The following MTRR variants were observed in gnomAD, a reference collection of about 807,000 sequenced individuals.
The protein encoded by MTRR is methionine synthase reductase.
In MTRR, 63 loss-of-function variants were observed where a neutral mutation model predicts 79.2. The ratio of observed to expected loss-of-function variants is 0.80; its 90% CI spans 0.65 to 0.98. The LOEUF (loss-of-function observed/expected upper bound fraction) is 0.98, where lower values mean the gene tolerates loss of function less well. MTRR is among the 50% of genes least tolerant of loss of function. The pLI is 0.00. For synonymous variants in MTRR, 355 were observed against 313.3 expected (o/e 1.13, Z -1.41); for missense variants, 895 against 839.6 (o/e 1.07, Z -0.82).
chr5:7,885,637 C>A, intron 6 of MTRR, 64 bp from the exon 7 acceptor site: 1 of 1,496,390 alleles, frequency 6.7e-7, no homozygotes, highest in Non-Finnish European at 9.3e-7. Flanking sequence ...TTTTGTTACC[C>A]TACAGCTTAA....
intron 4 of MTRR, among the ~76,000 whole-genome samples, chr5:7,875,777 G>C (rs374069175): frequency 6.6e-6 from 1 of 152,256 alleles, no homozygotes; most frequent in African/African-American, 2.4e-5. Context: ...ACACTTCGCT[G>C]TTAGAGAACA....
chr5:7,869,397 C>T (rs1228656605), intron 1 of MTRR, 182 bp downstream of exon 1: 4 of 649,986 alleles, frequency 6.2e-6, no homozygotes, highest in Non-Finnish European at 1.0e-5. Context: ...TGGCCTTTGG[C>T]TTTGGTGTCC....
In MTRR at chr5:7,871,040, G is replaced by A. The variant is rs1219351169; in HGVS notation, c.129+117G>A. ...ACCACATAGTCTTTGTTTTTTAACA[G>A]AAATGTGTTTGTTCAATGGTATAGT... On this transcript the variant is annotated intron_variant, in intron 2 of 14. Transcript: ENST00000440940. The A allele has an allele frequency of 4.0e-6, 5 of 1,240,080 alleles. No individual in the cohort carries two copies. In the African/African-American group the frequency reaches 7.4e-5, roughly 18 times the overall value. The allele number at this position is 1,240,080 out of a possible 1,614,324, so 76.8% of individuals were successfully genotyped here.
In MTRR at chr5:7,859,451, T is replaced by A; in HGVS notation, n.392-2500T>A. ...AGTCAGTATTCATTCTTGCAACCAA[T>A]GAACAGTGTTTTGAGAAAACAGTTT... On this transcript the variant is annotated intron_variant and non_coding_transcript_variant, in intron 1 of 3. Transcript: ENST00000502509. The A allele has an allele frequency of 2.5e-6, 4 of 1,601,782 alleles. No individual in the cohort carries two copies. In the East Asian group the frequency reaches 9.0e-5, roughly 36 times the overall value.
chr5:7,878,666 A>T (rs923711336), intron 5 of MTRR, among the ~76,000 whole-genome samples: 4 of 152,236 alleles, frequency 2.6e-5, no homozygotes, highest in Non-Finnish European at 5.9e-5. Context: ...GTAGATAAGA[A>T]CTCAGTTTCA....
intron 2 of MTRR, among the ~76,000 whole-genome samples, chr5:7,863,836 CT>C (rs891216906): frequency 2.6e-5 from 4 of 150,968 alleles, no homozygotes; most frequent in Non-Finnish European, 4.4e-5. Context: ...ACTTTTTTAC[CT>C]TTTTTTTTGT....
At position 7,897,066 on chromosome 5, in the gene MTRR, A is replaced by G. The variant is rs368741550; in HGVS notation, c.1771A>G (p.Lys591Glu). 8.4e-5 allele frequency: 136 copies of G among 1,613,936 alleles called. No homozygotes were observed. Among genetic ancestry groups the G allele is most frequent in the Non-Finnish European group, 1.1e-4 (131 of 1,179,942 alleles). ...GATCCATTATATATTATATTTCAGA[A>G]AAGAGCTCAGACATTTCCTTAAGCA... ...RHKDRDYLFR[K>E]ELRHFLKHGI... is the part of the protein sequence containing the mutation. The change falls in exon 14 of 15, where the codon AAA becomes GAA. Residue 591 changes from lysine (K) to glutamate (E), a missense_variant and splice_region_variant. Transcript: ENST00000440940.
intron 9 of MTRR, chr5:7,890,211 A>C (rs1401061263): frequency 1.3e-5 from 13 of 966,732 alleles, no homozygotes; most frequent in Non-Finnish European, 1.6e-5. Context: ...GTACAATTAA[A>C]GGCACCCTTC....
At chr5:7,868,286 C>T, upstream of MTRR, 1 of 511,234 alleles carries the variant, frequency 2.0e-6, no homozygotes, top group Non-Finnish European at 3.4e-6. Flanking sequence ...AGAAGAGTGG[C>T]TGACATTGAA....
intron 11 of MTRR, 28 bp downstream of exon 11, chr5:7,892,941 A>C: frequency 6.3e-7 from 1 of 1,598,484 alleles, no homozygotes; most frequent in South Asian, 1.1e-5. Context: ...TAACCTCAGC[A>C]TTGTTAACTC....
At chr5:7,885,640 C>T (rs1736284864) in intron 6 of MTRR, 61 bp from the exon 7 acceptor site, 2 of 1,505,358 alleles carry the variant, frequency 1.3e-6, no homozygotes, top group South Asian at 2.3e-5. Context: ...TGTTACCCTA[C>T]AGCTTAAACT....
intron 1 of MTRR, among the ~76,000 whole-genome samples, chr5:7,852,357 G>A (rs186020360): frequency 1.9e-4 from 29 of 152,140 alleles, no homozygotes; most frequent in Non-Finnish European, 1.3e-4. Flanking sequence ...AAGACATCCC[G>A]GTGCCACCAC....
At chr5:7,875,148 C>T (rs148288960) in intron 3 of MTRR, 110 bp from the exon 4 acceptor site, 3 of 804,026 alleles carry the variant, frequency 3.7e-6, no homozygotes, top group Admixed American at 1.8e-5. Context: ...CATTATTACT[C>T]CATCCATAAG....
Position 7,885,927 on chromosome 5 carries a change from C to T in MTRR, c.1057+73C>T, listed in dbSNP as rs1350477123. ...TGGAGCTGATGGTGAGAGTGTGGCT[C>T]TAAGGTTCAGGGTCCTGTGTGTTGG... On this transcript the variant is annotated intron_variant, in intron 7 of 14. Coordinates refer to ENST00000440940, the MANE Select transcript of MTRR (RefSeq NM_002454.3). 3.1e-6 allele frequency: 5 copies of T among 1,601,530 alleles called. No individual in the cohort carries two copies. In the African/African-American group the frequency reaches 6.7e-5, roughly 21 times the overall value.
chr5:7,870,781 C>A lies in MTRR; in HGVS notation c.-14C>A, dbSNP rs770062624. On this transcript the variant is annotated 5_prime_UTR_variant, in exon 2 of 15. Coordinates refer to ENST00000440940, the MANE Select transcript of MTRR (RefSeq NM_002454.3). Reference sequence around the variant, plus strand: ...CCCCCATTTTTCAGTTTCACTGTTACATGCCTTGAAGTGATGAGGAGGTTT... The same window carrying A: ...CCCCCATTTTTCAGTTTCACTGTTAAATGCCTTGAAGTGATGAGGAGGTTT... 1.2e-6 allele frequency: 2 copies of A among 1,614,160 alleles called. No individual in the cohort carries two copies. Among genetic ancestry groups the A allele is most frequent in the African/African-American group, 1.3e-5 (1 of 75,042 alleles).
chr5:7,878,304 G>C lies in MTRR; in HGVS notation c.762G>C (p.Leu254=), dbSNP rs200210782. The change falls in exon 5 of 15, where the codon CTG becomes CTC. Residue 254 remains leucine (L), a synonymous_variant. Coordinates refer to ENST00000440940, the MANE Select transcript of MTRR (RefSeq NM_002454.3). ...GLPPEYLQVH[L]QESLGQEESQ... ...CCCCAGAATATTTACAGGTACATCT[G>C]CAGGAGTCTCTTGGCCAGGTAAGGA... is the stretch of plus-strand genomic sequence containing the variant. 2 of 1,614,232 alleles carry C rather than the reference G, an allele frequency of 1.2e-6. No homozygotes were observed. The highest frequency in any genetic ancestry group is 2.2e-5 in the East Asian group (1 of 44,886).
chr5:7,867,238 G>A, upstream of MTRR: 2 of 1,614,002 alleles, frequency 1.2e-6, no homozygotes, highest in Non-Finnish European at 1.7e-6. Flanking sequence ...ATAGGGAAAA[G>A]TTGTTTATCT....
At chr5:7,869,968 A>G (rs1244550621) in intron 1 of MTRR, 3 of 961,880 alleles carry the variant, frequency 3.1e-6, no homozygotes, top group Admixed American at 6.2e-5. Context: ...CCGAAAGCCA[A>G]GCTTTTGGTT....
At chr5:7,867,178 G>C (rs1747020999), upstream of MTRR, 1 of 1,614,002 alleles carries the variant, frequency 6.2e-7, no homozygotes, top group Non-Finnish European at 8.5e-7. Context: ...GAACCACCAG[G>C]GCAGTGAGCA....
Sources: allele counts gnomAD v4.1 joint callset (sites outside exome capture counted in the v4.1 genomes callset), GRCh38; gene constraint gnomAD v4.1.1; transcripts MANE v1.5; gene names NCBI Gene and HGNC (gene_info 2026-07-23, HGNC 2026-07-21).